The following GTF2F2 variants were observed in gnomAD, a reference collection of about 807,000 sequenced individuals.
The protein encoded by GTF2F2 is ATP-dependent helicase GTF2F2.
Under a neutral mutation model 42.2 loss-of-function variants are expected in GTF2F2, and 23 were observed. That is an observed-to-expected ratio of 0.55 (90% CI 0.39 to 0.77). The LOEUF is 0.77. Among genes scored for constraint, GTF2F2 ranks in the 30% least tolerant of loss-of-function variants. The probability of loss-of-function intolerance (pLI) is 0.00; values close to 1 mark genes in which losing one functional copy is unlikely to be tolerated. For missense variants in GTF2F2, 261 were observed against 287.2 expected (o/e 0.91, Z 0.66); for synonymous variants, 105 against 100.8 (o/e 1.04, Z -0.25).
At chr13:45,128,085 C>T (rs1220443105) in intron 1 of GTF2F2, among the ~76,000 whole-genome samples, 2 of 148,236 alleles carry the variant, frequency 1.3e-5, no homozygotes, top group Non-Finnish European at 1.5e-5. Context: ...CTCAGCCTCC[C>T]GAGTAGCTGA....
intron 7 of GTF2F2, among the ~76,000 whole-genome samples, chr13:45,271,109 G>GGT (rs1876771906): frequency 6.6e-6 from 1 of 151,964 alleles, no homozygotes; most frequent in African/African-American, 2.4e-5. Context: ...TGGCTAACAC[G>GGT]GTGAAACCCC....
rs34744288 is a variant in GTF2F2, at chr13:45,240,101, A to ATTTTTTTTTTT, written c.387-12754_387-12744dup. Among the ~76,000 whole-genome samples, 57 of 91,072 alleles carry ATTTTTTTTTTT rather than the reference A, an allele frequency of 6.3e-4. 3 individuals are homozygous for ATTTTTTTTTTT. The highest frequency in any genetic ancestry group is 1.7e-3 in the African/African-American group (32 of 18,826). 59.7% of individuals were successfully genotyped at this position (91,072 alleles called of 152,430 possible). ...TCCAATTTCTGTATTATGTAGAGGG[A>ATTTTTTTTTTT]TTTTTTTTTTTTTTTTTTTTTTTTT... On this transcript the variant is annotated intron_variant, in intron 5 of 7. Coordinates refer to ENST00000340473, the MANE Select transcript of GTF2F2 (RefSeq NM_004128.3).
chr13:45,262,779 T>C (rs1045851104), intron 6 of GTF2F2, among the ~76,000 whole-genome samples: 1 of 152,126 alleles, frequency 6.6e-6, no homozygotes, highest in African/African-American at 2.4e-5. Context: ...TCTCACTCTG[T>C]TGCCTAGGCT....
intron 4 of GTF2F2, among the ~76,000 whole-genome samples, chr13:45,189,038 C>T (rs767481729): frequency 1.1e-4 from 17 of 151,908 alleles, no homozygotes; most frequent in East Asian, 3.9e-4. Context: ...CTTCTCCTAA[C>T]GCTATCCCTC....
intron 1 of GTF2F2, among the ~76,000 whole-genome samples, chr13:45,125,679 T>G (rs1338380116): frequency 6.6e-6 from 1 of 152,210 alleles, no homozygotes; most frequent in Non-Finnish European, 1.5e-5. Flanking sequence ...AGGTGGGGAC[T>G]TCATTTTTAT....
intron 1 of GTF2F2, among the ~76,000 whole-genome samples, chr13:45,128,341 G>T (rs1017430872): frequency 1.3e-5 from 2 of 149,414 alleles, no homozygotes; most frequent in Admixed American, 1.3e-4. Flanking sequence ...TTGGGAGGCC[G>T]AGGCGGGCAG....
At chr13:45,186,711 A>C (rs1046584664) in intron 4 of GTF2F2, among the ~76,000 whole-genome samples, 4 of 152,242 alleles carry the variant, frequency 2.6e-5, no homozygotes, top group African/African-American at 9.6e-5. Flanking sequence ...AAGTGATAGA[A>C]GATAAATCAA....
chr13:45,237,165 T>C (rs1435165040), intron 5 of GTF2F2, among the ~76,000 whole-genome samples: 1 of 152,200 alleles, frequency 6.6e-6, no homozygotes, highest in Non-Finnish European at 1.5e-5. Flanking sequence ...TAAACTGCCA[T>C]ATTTTTATGT....
chr13:45,269,648 A>C (rs1373742409), intron 7 of GTF2F2, among the ~76,000 whole-genome samples: 3 of 152,190 alleles, frequency 2.0e-5, no homozygotes, highest in African/African-American at 7.2e-5. Flanking sequence ...GTATAATGGA[A>C]AGAACCTGGA....
chr13:45,209,336 A>G (rs1344041196), intron 5 of GTF2F2, among the ~76,000 whole-genome samples: 1 of 152,240 alleles, frequency 6.6e-6, no homozygotes, highest in Non-Finnish European at 1.5e-5. Flanking sequence ...CTAGGTTTGT[A>G]TAAGTACACT....
chr13:45,240,938 G>A (rs1387045325), intron 5 of GTF2F2, among the ~76,000 whole-genome samples: 3 of 149,432 alleles, frequency 2.0e-5, no homozygotes, highest in Admixed American at 1.3e-4. Flanking sequence ...TCAGGGGTTT[G>A]AGACCAGCTG....
At chr13:45,239,909 C>T (rs1035653899) in intron 5 of GTF2F2, among the ~76,000 whole-genome samples, 1 of 152,076 alleles carries the variant, frequency 6.6e-6, no homozygotes, top group Non-Finnish European at 1.5e-5. Flanking sequence ...CACTCTGCCC[C>T]TTACAAGCTT....
chr13:45,233,661 C>T (rs528138787), intron 5 of GTF2F2, among the ~76,000 whole-genome samples: 1 of 152,298 alleles, frequency 6.6e-6, no homozygotes, highest in East Asian at 1.9e-4. Flanking sequence ...CACCTATAAT[C>T]CCAGCACTTT....
intron 1 of GTF2F2, among the ~76,000 whole-genome samples, chr13:45,130,729 T>C (rs1184689159): frequency 6.6e-6 from 1 of 152,178 alleles, no homozygotes; most frequent in Non-Finnish European, 1.5e-5. Context: ...TTGCCTTTTA[T>C]TAAGATACGG....
intron 4 of GTF2F2, among the ~76,000 whole-genome samples, chr13:45,162,096 C>G (rs1438545094): frequency 6.6e-6 from 1 of 152,186 alleles, no homozygotes; most frequent in Non-Finnish European, 1.5e-5. Context: ...GATGATATGA[C>G]AGAAGCTCTA....
intron 6 of GTF2F2, among the ~76,000 whole-genome samples, chr13:45,256,979 A>G (rs887968568): frequency 1.7e-4 from 26 of 152,166 alleles, no homozygotes; most frequent in African/African-American, 6.0e-4. Context: ...TTGCATATGT[A>G]TTTGAAAAAC....
chr13:45,267,162 A>AAAG, intron 6 of GTF2F2, 71 bp from the exon 7 acceptor site: 1 of 1,318,462 alleles, frequency 7.6e-7, no homozygotes, highest in Non-Finnish European at 1.0e-6. Flanking sequence ...AAAAAAAAAA[A>AAAG]AGAGAATGCC....
chr13:45,236,194 C>G (rs1245984154), intron 5 of GTF2F2, among the ~76,000 whole-genome samples: 1 of 152,148 alleles, frequency 6.6e-6, no homozygotes, highest in Non-Finnish European at 1.5e-5. Flanking sequence ...CCTGCAGTTC[C>G]CCTAAACTGT....
chr13:45,267,886 T>C (rs1478006959), intron 7 of GTF2F2, among the ~76,000 whole-genome samples: 5 of 151,816 alleles, frequency 3.3e-5, no homozygotes, highest in African/African-American at 1.2e-4. Flanking sequence ...TTTCAAATTA[T>C]GCTTGCAGAG....
Sources: allele counts gnomAD v4.1 joint callset (sites outside exome capture counted in the v4.1 genomes callset), GRCh38; gene constraint gnomAD v4.1.1; transcripts MANE v1.5; gene names NCBI Gene and HGNC (gene_info 2026-07-23, HGNC 2026-07-21).